WWOX: variants seen among roughly 807,000 people sequenced by gnomAD.
WWOX encodes WW domain containing oxidoreductase.
WWOX carries 69 observed loss-of-function variants against 46.2 expected under a neutral mutation model. That is an observed-to-expected ratio of 1.49 (90% CI 1.23 to 1.82). WWOX has a LOEUF of 1.82. WWOX is among the 40% of genes most tolerant of loss of function. The pLI, the probability that WWOX is intolerant of heterozygous loss-of-function variation, is 0.00. For synonymous variants in WWOX, 359 were observed against 202.6 expected (o/e 1.77, Z -6.56); for missense variants, 919 against 542.6 (o/e 1.69, Z -6.89).
intron 5 of WWOX, among the ~76,000 whole-genome samples, chr16:78,250,694 A>T (rs1312261911): frequency 6.6e-6 from 1 of 152,132 alleles, no homozygotes; most frequent in Non-Finnish European, 1.5e-5. Flanking sequence ...GGCGGGCTGG[A>T]TAGTACAACT....
chr16:78,977,721 AG>A (rs967461072), intron 8 of WWOX, among the ~76,000 whole-genome samples: 5 of 152,106 alleles, frequency 3.3e-5, no homozygotes, highest in African/African-American at 1.2e-4. Context: ...CAGGGGGTGC[AG>A]GGGGTGCCTG....
intron 8 of WWOX, among the ~76,000 whole-genome samples, chr16:78,576,639 C>G (rs71396198): frequency 0.13 from 19,081 of 152,176 alleles, 1,364 homozygotes; most frequent in South Asian, 0.18. Context: ...TTGTGACCAG[C>G]CTGGGCACTA....
intron 8 of WWOX, among the ~76,000 whole-genome samples, chr16:78,830,331 A>G (rs1357758922): frequency 6.6e-6 from 1 of 152,132 alleles, no homozygotes; most frequent in East Asian, 1.9e-4. Context: ...CACATAAAAC[A>G]TATATGTACA....
At chr16:79,115,941 A>C (rs1159708746) in intron 8 of WWOX, among the ~76,000 whole-genome samples, 8 of 152,242 alleles carry the variant, frequency 5.3e-5, no homozygotes, top group South Asian at 2.1e-4. Context: ...ATCCCGTTCC[A>C]GACCACCACA....
At chr16:78,571,166 G>A (rs1158841259) in intron 8 of WWOX, among the ~76,000 whole-genome samples, 1 of 152,196 alleles carries the variant, frequency 6.6e-6, no homozygotes, top group Non-Finnish European at 1.5e-5. Flanking sequence ...GAGGAAGAAA[G>A]GGGCAGTGAT....
At chr16:78,319,456 T>G (rs1428836316) in intron 5 of WWOX, among the ~76,000 whole-genome samples, 2 of 151,968 alleles carry the variant, frequency 1.3e-5, no homozygotes, top group Non-Finnish European at 2.9e-5. Context: ...GAGGTGGGGT[T>G]TCATCATGTT....
chr16:78,359,961 A>C (rs28719562), intron 5 of WWOX, among the ~76,000 whole-genome samples: 5 of 152,206 alleles, frequency 3.3e-5, no homozygotes, highest in African/African-American at 7.2e-5. Flanking sequence ...TGCCTTCACT[A>C]TTCAATCATT....
chr16:78,752,113 T>C (rs533042756), intron 8 of WWOX, among the ~76,000 whole-genome samples: 9 of 152,354 alleles, frequency 5.9e-5, no homozygotes, highest in Admixed American at 5.9e-4. Flanking sequence ...ATCAGTCAGT[T>C]GTCTCAATCC....
At chr16:79,140,546 C>T (rs1180155679) in intron 8 of WWOX, among the ~76,000 whole-genome samples, 1 of 152,182 alleles carries the variant, frequency 6.6e-6, no homozygotes, top group Non-Finnish European at 1.5e-5. Context: ...TCCTCTTGAT[C>T]TCCCCTGAAC....
chr16:79,048,570 C>T (rs759888537), intron 8 of WWOX, among the ~76,000 whole-genome samples: 15 of 152,008 alleles, frequency 9.9e-5, no homozygotes, highest in Non-Finnish European at 1.8e-4. Context: ...GCACAGTGGG[C>T]CATCCTAACC....
intron 8 of WWOX, among the ~76,000 whole-genome samples, chr16:78,789,213 T>C (rs966307001): frequency 3.3e-5 from 5 of 152,180 alleles, no homozygotes; most frequent in African/African-American, 1.2e-4. Context: ...AAGGGAAACA[T>C]GGTTTCAGAA....
chr16:79,162,419 G>C (rs2050504844), intron 8 of WWOX, among the ~76,000 whole-genome samples: 1 of 152,150 alleles, frequency 6.6e-6, no homozygotes, highest in Admixed American at 6.5e-5. Context: ...ATTCAAGTTA[G>C]GGGCTTCTTC....
At chr16:78,348,560 C>T (rs1253970473) in intron 5 of WWOX, among the ~76,000 whole-genome samples, 3 of 120,740 alleles carry the variant, frequency 2.5e-5, no homozygotes, top group African/African-American at 8.4e-5. Context: ...TGAGCTCAGG[C>T]AATCCTCCTG....
At chr16:78,421,510 C>T (rs1304992319) in intron 6 of WWOX, among the ~76,000 whole-genome samples, 5 of 152,270 alleles carry the variant, frequency 3.3e-5, no homozygotes, top group East Asian at 3.9e-4. Flanking sequence ...ATCACATTTG[C>T]GAAGACCCTT....
intron 8 of WWOX, among the ~76,000 whole-genome samples, chr16:78,541,160 A>G (rs143472657): frequency 1.3e-5 from 2 of 152,288 alleles, no homozygotes; most frequent in East Asian, 3.9e-4. Context: ...CATACTCTAT[A>G]AATACACTTC....
intron 5 of WWOX, among the ~76,000 whole-genome samples, chr16:78,290,290 AC>A (rs925084091): frequency 4.5e-5 from 4 of 88,268 alleles, no homozygotes; most frequent in East Asian, 8.4e-4. Context: ...TCCCCCCCCC[AC>A]CCCCCATCCC....
chr16:78,751,227 G>A (rs1355170344), intron 8 of WWOX, among the ~76,000 whole-genome samples: 1 of 151,788 alleles, frequency 6.6e-6, no homozygotes, highest in Non-Finnish European at 1.5e-5. Context: ...CTACATATCA[G>A]AAATTAGTTA....
At chr16:78,894,356 G>A (rs1422957279) in intron 8 of WWOX, among the ~76,000 whole-genome samples, 6 of 152,152 alleles carry the variant, frequency 3.9e-5, no homozygotes, top group African/African-American at 7.2e-5. Flanking sequence ...GCACAGCAAA[G>A]GATACACCTC....
chr16:78,447,240 C>G (rs181672499), intron 8 of WWOX, among the ~76,000 whole-genome samples: 2 of 152,172 alleles, frequency 1.3e-5, no homozygotes, highest in South Asian at 2.1e-4. Context: ...GAAACTAGAT[C>G]TGTAACTCTG....
Sources: gnomAD v4.1 joint callset for allele counts (sites outside exome capture counted in the v4.1 genomes callset) on GRCh38, gnomAD v4.1.1 for gene constraint, MANE v1.5 for transcripts, NCBI Gene and HGNC (gene_info 2026-07-23, HGNC 2026-07-21) for gene names.